The following PHEX variants were observed in gnomAD, a reference collection of about 807,000 sequenced individuals.
PHEX encodes phosphate-regulating neutral endopeptidase PHEX.
Under a neutral mutation model 68.0 loss-of-function variants are expected in PHEX, and 16 were observed. The ratio of observed to expected loss-of-function variants is 0.24; its 90% CI spans 0.16 to 0.36. PHEX has a LOEUF of 0.36. PHEX is among the 10% of genes least tolerant of loss of function. The pLI is 1.00. For missense variants in PHEX, 480 were observed against 575.5 expected (o/e 0.83, Z 1.70); for synonymous variants, 208 against 205.1 (o/e 1.01, Z -0.12).
In PHEX at chrX:22,051,263, G is replaced by C. The variant is rs139189733; in HGVS notation, c.349+4052G>C. Among the ~76,000 whole-genome samples, 1,040 of 112,492 alleles carry C rather than the reference G, an allele frequency of 9.2e-3. 13 individuals are homozygous for C. The highest frequency in any genetic ancestry group is 0.031 in the African/African-American group (965 of 30,964). ...AAATATAAAATAGCTGGACGCAGTG[G>C]CTCTTGCCTGTAATCCCACCACTTT... is the stretch of plus-strand genomic sequence containing the variant. On this transcript the variant is annotated intron_variant, in intron 3 of 21. Coordinates refer to ENST00000379374, the MANE Select transcript of PHEX (RefSeq NM_000444.6).
At chrX:22,192,737 G>C (rs368079815) in intron 15 of PHEX, among the ~76,000 whole-genome samples, 1 of 111,918 alleles carries the variant, frequency 8.9e-6, no homozygotes, top group East Asian at 2.8e-4. Flanking sequence ...CACCTCCTTA[G>C]GGAGGCATCC....
At chrX:22,211,873 A>G (rs1437291887) in intron 15 of PHEX, among the ~76,000 whole-genome samples, 1 of 110,901 alleles carries the variant, frequency 9.0e-6, no homozygotes, top group Non-Finnish European at 1.9e-5. Context: ...GTACAGGGGA[A>G]CTCCCCTTTA....
At chrX:22,078,134 T>C (rs1929241660) in intron 5 of PHEX, among the ~76,000 whole-genome samples, 1 of 112,246 alleles carries the variant, frequency 8.9e-6, no homozygotes. Flanking sequence ...TGCACACACC[T>C]AAATTTTAGT....
intron 4 of PHEX, 61 bp downstream of exon 4, chrX:22,076,535 A>G (rs1305765261): frequency 7.0e-6 from 5 of 713,396 alleles, no homozygotes; most frequent in African/African-American, 2.1e-5. Context: ...AGTTCTATTA[A>G]TGTTTTAATA....
chrX:22,039,505 C>T (rs1287211988), intron 2 of PHEX, among the ~76,000 whole-genome samples: 1 of 112,245 alleles, frequency 8.9e-6, no homozygotes, highest in Non-Finnish European at 1.9e-5. Context: ...AAGAAAGAAG[C>T]ACTAAATAAA....
At chrX:22,048,497 C>T (rs188366861) in intron 3 of PHEX, among the ~76,000 whole-genome samples, 78 of 111,451 alleles carry the variant, frequency 7.0e-4, no homozygotes, top group African/African-American at 2.1e-3. Context: ...CACACACACG[C>T]GCGCACAGTC....
At chrX:22,215,845 T>A (rs1455724593) in intron 16 of PHEX, among the ~76,000 whole-genome samples, 1 of 110,994 alleles carries the variant, frequency 9.0e-6, no homozygotes, top group African/African-American at 3.3e-5. Flanking sequence ...GAATAAGAGT[T>A]GAAAGAACTT....
In PHEX at chrX:22,249,451, AAAAAATATAT is replaced by A. The variant is rs1176695850; in HGVS notation, c.*1500_*1509del. On this transcript the variant is annotated 3_prime_UTR_variant, in exon 22 of 22. Transcript: ENST00000379374. ...TGATTTGTGATTCTTTTAAAAAAAA[AAAAAATATAT>A]ATATATATATATATATATATATATA... 1.1e-4 allele frequency: 3 copies of A among 28,521 alleles called. No homozygotes were observed. The highest frequency in any genetic ancestry group is 6.2e-4 in the African/African-American group (3 of 4,815). 2.4% of individuals were successfully genotyped at this position (28,521 alleles called of 1,213,427 possible). A position where few individuals can be genotyped will look rare whatever the true frequency, so the allele number is the denominator to read the frequency against.
At chrX:22,066,257 A>G (rs1267676338) in intron 3 of PHEX, among the ~76,000 whole-genome samples, 2 of 111,847 alleles carry the variant, frequency 1.8e-5, no homozygotes, top group African/African-American at 6.5e-5. Context: ...TAGCTGACAA[A>G]TGGCGACCAA....
intron 14 of PHEX, among the ~76,000 whole-genome samples, chrX:22,180,628 C>A (rs965358482): frequency 1.8e-5 from 2 of 111,984 alleles, no homozygotes; most frequent in Non-Finnish European, 3.8e-5. Flanking sequence ...CTTTATGTTA[C>A]AGACAATCCA....
intron 18 of PHEX, among the ~76,000 whole-genome samples, chrX:22,223,539 T>G (rs2285077): frequency 0.46 from 51,252 of 110,443 alleles, 9,252 homozygotes; most frequent in African/African-American, 0.63. Flanking sequence ...GAACCTAGGA[T>G]TTTGATACCA....
intron 2 of PHEX, among the ~76,000 whole-genome samples, chrX:22,040,326 C>CTT (rs1927216385): frequency 9.0e-6 from 1 of 111,439 alleles, no homozygotes; most frequent in African/African-American, 3.3e-5. Context: ...GGAAGAAAGA[C>CTT]AATAAGGCAA....
chrX:22,062,032 T>C (rs1306854150), intron 3 of PHEX, among the ~76,000 whole-genome samples: 1 of 111,316 alleles, frequency 9.0e-6, no homozygotes, highest in African/African-American at 3.3e-5. Flanking sequence ...AACTGCCTTA[T>C]AAAACCATCA....
chrX:22,176,400 A>ATAT lies in PHEX; in HGVS notation c.1483-1873_1483-1872insTAT, dbSNP rs1556067275. 2.1e-3 allele frequency among the ~76,000 whole-genome samples: 133 copies of ATAT among 62,443 alleles called. 1 individual carries two copies. The highest frequency in any genetic ancestry group is 4.3e-3 in the East Asian group (12 of 2,805). 54.2% of individuals were successfully genotyped at this position (62,443 alleles called of 115,157 possible). On this transcript the variant is annotated intron_variant, in intron 13 of 21. Coordinates refer to ENST00000379374, the MANE Select transcript of PHEX (RefSeq NM_000444.6). ...AGACTGTCTCAAAAAAAAAAAAAAA[A>ATAT]AAATATATATATATATATATATATA...
At chrX:22,065,980 G>A (rs1928581569) in intron 3 of PHEX, among the ~76,000 whole-genome samples, 1 of 111,954 alleles carries the variant, frequency 8.9e-6, no homozygotes, top group African/African-American at 3.2e-5. Context: ...AGTTGCAAGC[G>A]CAGAGACTCT....
At chrX:22,241,936 C>T (rs1031578324) in intron 20 of PHEX, among the ~76,000 whole-genome samples, 5 of 111,808 alleles carry the variant, frequency 4.5e-5, no homozygotes, top group African/African-American at 1.6e-4. Context: ...ATGAGGCCAG[C>T]GTGATCCTGA....
intron 3 of PHEX, among the ~76,000 whole-genome samples, chrX:22,068,541 G>A (rs777496756): frequency 8.9e-6 from 1 of 111,941 alleles, no homozygotes; most frequent in South Asian, 3.7e-4. Flanking sequence ...GAATTAACAG[G>A]AGTCAGAGAC....
intron 5 of PHEX, among the ~76,000 whole-genome samples, chrX:22,081,052 C>T (rs1929371273): frequency 1.8e-5 from 2 of 111,457 alleles, no homozygotes; most frequent in South Asian, 7.7e-4. Context: ...CGATATGCCT[C>T]TCAGAGCTCA....
At chrX:22,126,898 G>GTCTTGC (rs1486101255) in intron 11 of PHEX, among the ~76,000 whole-genome samples, 19 of 77,183 alleles carry the variant, frequency 2.5e-4, no homozygotes, top group African/African-American at 9.6e-4. Flanking sequence ...TTGAGACAGA[G>GTCTTGC]TCTTGCTCTG....
Sources: gnomAD v4.1 joint callset for allele counts (sites outside exome capture counted in the v4.1 genomes callset) on GRCh38, gnomAD v4.1.1 for gene constraint, MANE v1.5 for transcripts, NCBI Gene and HGNC (gene_info 2026-07-23, HGNC 2026-07-21) for gene names.